The following DTX1 variants were observed in gnomAD, a reference collection of about 807,000 sequenced individuals.
DTX1 encodes the protein E3 ubiquitin-protein ligase DTX1.
A neutral mutation model predicts 57.8 loss-of-function variants in DTX1; 26 were observed. The observed-to-expected ratio is 0.45, with a 90% CI of 0.33 to 0.62. The LOEUF (loss-of-function observed/expected upper bound fraction) is 0.62. Ranked by LOEUF, DTX1 falls within the 20% of genes least tolerant of loss-of-function variation. The pLI, the probability that DTX1 is intolerant of heterozygous loss-of-function variation, is 0.02. For missense variants in DTX1, 704 were observed against 895.3 expected (o/e 0.79, Z 2.73); for synonymous variants, 398 against 394.1 (o/e 1.01, Z -0.12).
chr12:113,095,432 A>G lies in DTX1; in HGVS notation c.1638+18A>G. On this transcript the variant is annotated intron_variant, in intron 9 of 9. Coordinates refer to ENST00000548759, the MANE Select transcript of DTX1 (RefSeq NM_004416.3). ...GCCGGAAGGTGGGTGCCCAGCCGTG[A>G]GGGCATGGGAGATAGGCACAGGCAG... 3.1e-6 allele frequency: 5 copies of G among 1,614,050 alleles called. No homozygotes were observed. Among genetic ancestry groups the G allele is most frequent in the Non-Finnish European group, 4.2e-6 (5 of 1,180,026 alleles).
At chr12:113,058,489 A>G in intron 2 of DTX1, 38 bp downstream of exon 2, 1 of 1,566,086 alleles carries the variant, frequency 6.4e-7, no homozygotes, top group Non-Finnish European at 8.6e-7. Flanking sequence ...CGCCCCGCCG[A>G]GCCATCACTA....
intron 3 of DTX1, among the ~76,000 whole-genome samples, chr12:113,085,590 G>T (rs2044851131): frequency 6.6e-6 from 1 of 152,080 alleles, no homozygotes; most frequent in Non-Finnish European, 1.5e-5. Context: ...TTATTAATTT[G>T]CAAGTGTTCT....
In DTX1 at chr12:113,058,169, C is replaced by G. The variant is rs1200556467; in HGVS notation, c.-24C>G. 4 of 1,578,918 alleles carry G rather than the reference C, an allele frequency of 2.5e-6. No individual in the cohort carries two copies. The highest frequency in any genetic ancestry group is 3.6e-5 in the Admixed American group (2 of 56,218). On this transcript the variant is annotated 5_prime_UTR_variant, in exon 2 of 10. Coordinates refer to ENST00000548759, the MANE Select transcript of DTX1 (RefSeq NM_004416.3). ...AGCTGGGCCTGCAATAGTGGGGGAC[C>G]TGGCCCCTGAGGCAGTGGCGGCCAT... is the stretch of plus-strand genomic sequence containing the variant.
chr12:113,086,633 A>T (rs1338661948), intron 3 of DTX1, among the ~76,000 whole-genome samples: 2 of 152,148 alleles, frequency 1.3e-5, no homozygotes, highest in Non-Finnish European at 2.9e-5. Flanking sequence ...GGTGTGTTTT[A>T]GGGTTTTCCT....
At chr12:113,078,244 T>C in intron 3 of DTX1, 139 bp downstream of exon 3, 2 of 743,000 alleles carry the variant, frequency 2.7e-6, no homozygotes, top group Non-Finnish European at 3.5e-6. Flanking sequence ...ATGCACTAAA[T>C]GTTCATTTTG....
chr12:113,093,756 AACTCT>A lies in DTX1; in HGVS notation c.1165+57_1165+61del. 4 of 1,596,156 alleles carry A rather than the reference AACTCT, an allele frequency of 2.5e-6. No individual in the cohort carries two copies. The highest frequency in any genetic ancestry group is 3.4e-6 in the Non-Finnish European group (4 of 1,168,364). ...ATGAACCCCACTAAGCCTTGACCACAACTCTGTGACCCCTGGTCTCCAACTTATTC... is the reference window on the plus strand; with the variant it reads ...ATGAACCCCACTAAGCCTTGACCACAGTGACCCCTGGTCTCCAACTTATTC... On this transcript the variant is annotated intron_variant, in intron 5 of 9. Transcript: ENST00000548759. The surrounding 1 kb of genome is among the most constrained non-coding windows in gnomAD (Gnocchi z 4.2).
At chr12:113,092,316 C>T (rs890889197) in intron 3 of DTX1, among the ~76,000 whole-genome samples, 5 of 113,122 alleles carry the variant, frequency 4.4e-5, no homozygotes, top group Admixed American at 1.0e-4. Context: ...ACGGAATCCT[C>T]ACAGCAGATT....
At chr12:113,075,453 G>A (rs147845247) in intron 2 of DTX1, among the ~76,000 whole-genome samples, 236 of 152,384 alleles carry the variant, frequency 1.5e-3, no homozygotes, top group Middle Eastern at 0.01. Flanking sequence ...GGGAAGTCAA[G>A]TGTGCAGCCT....
At chr12:113,060,282 C>A (rs2044656416) in intron 2 of DTX1, among the ~76,000 whole-genome samples, 1 of 152,114 alleles carries the variant, frequency 6.6e-6, no homozygotes, top group African/African-American at 2.4e-5. Flanking sequence ...CAGCAGGGAG[C>A]AAGACAAAGT....
intron 2 of DTX1, among the ~76,000 whole-genome samples, chr12:113,075,283 C>G (rs1485803662): frequency 6.6e-6 from 1 of 152,208 alleles, no homozygotes; most frequent in Non-Finnish European, 1.5e-5. Context: ...GTCTGCCTCC[C>G]AGCCCTGGGG....
rs563180952 is a variant in DTX1, at chr12:113,057,605, C to T, written c.-588C>T. ...GCGTTCTGCGGCCACCCAGGCCTTC[C>T]AGGACACCGTGGAGAGGGAACAAGG... On this transcript the variant is annotated 5_prime_UTR_variant, in exon 2 of 10. Transcript: ENST00000548759. 1 of 153,708 alleles carries T rather than the reference C, an allele frequency of 6.5e-6. No homozygotes were observed. Among genetic ancestry groups the T allele is most frequent in the Middle Eastern group, 3.4e-3 (1 of 298 alleles). 9.5% of individuals were successfully genotyped at this position (153,708 alleles called of 1,614,324 possible). A position where few individuals can be genotyped will look rare whatever the true frequency, so the allele number is the denominator to read the frequency against.
rs958846705 is a variant in DTX1 at position 113,077,965 on chromosome 12, C to T, written c.801C>T (p.Ala267=). 24 of 1,013,144 alleles carry T rather than the reference C, an allele frequency of 2.4e-5. No homozygotes were observed. Among genetic ancestry groups the T allele is most frequent in the African/African-American group, 7.0e-5 (4 of 57,208 alleles). The allele number at this position is 1,013,144 out of a possible 1,614,324, so 62.8% of individuals were successfully genotyped here. A position where few individuals can be genotyped will look rare whatever the true frequency, so the allele number is the denominator to read the frequency against. The change falls in exon 3 of 10, where the codon GCC becomes GCT. Residue 267 remains alanine (A), a synonymous_variant. Coordinates refer to ENST00000548759, the MANE Select transcript of DTX1 (RefSeq NM_004416.3). The surrounding 1 kb of genome is among the most constrained non-coding windows in gnomAD (Gnocchi z 7.8). ...GGGCAGCGCCCGCCGCCGGCCCCGC[C>T]GAGCCCGCGCCGCCTCCCGGGGCGC... ...ALWAAPAAGP[A]EPAPPPGAPP...
Position 113,077,895 on chromosome 12 carries a change from C to T in DTX1, c.731C>T (p.Ala244Val). ...CCGCCACCTGGAGGGCCTCCAGGCG[C>T]GCTTGCCGTGCGCCCCAGCGCCACC... is the stretch of plus-strand genomic sequence containing the variant. ...PPPPPGGPPG[A>V]LAVRPSATFT... is the part of the protein sequence containing the mutation. Residue 244 changes from alanine to valine, a missense_variant, in exon 3 of 10, where the codon GCG (alanine) becomes GTG (valine). By Grantham distance (64) the Ala-to-Val change is moderately conservative. Transcript: ENST00000548759. This position sits in a 1 kb window ranked among gnomAD's most constrained non-coding sequence, Gnocchi z 7.8. 7.9e-7 allele frequency: 1 copy of T among 1,258,622 alleles called. No homozygotes were observed. The highest frequency in any genetic ancestry group is 9.9e-7 in the Non-Finnish European group (1 of 1,009,030). The allele number at this position is 1,258,622 out of a possible 1,614,324, so 78.0% of individuals were successfully genotyped here. A position where few individuals can be genotyped will look rare whatever the true frequency, so the allele number is the denominator to read the frequency against.
chr12:113,068,902 A>G (rs1227475254), intron 2 of DTX1, among the ~76,000 whole-genome samples: 1 of 152,334 alleles, frequency 6.6e-6, no homozygotes, highest in African/African-American at 2.4e-5. Flanking sequence ...ACTAGATTCA[A>G]TCTTCACTTA....
intron 3 of DTX1, among the ~76,000 whole-genome samples, chr12:113,083,487 G>T (rs570902796): frequency 6.6e-6 from 1 of 152,090 alleles, no homozygotes; most frequent in Non-Finnish European, 1.5e-5. Context: ...CACCATGACC[G>T]GCTATTTTTT....
chr12:113,066,623 T>C (rs2044705319), intron 2 of DTX1, among the ~76,000 whole-genome samples: 1 of 152,106 alleles, frequency 6.6e-6, no homozygotes, highest in African/African-American at 2.4e-5. Flanking sequence ...TTTCCTCACC[T>C]GTAATATGGA....
chr12:113,060,415 C>T (rs919012611), intron 2 of DTX1, among the ~76,000 whole-genome samples: 2 of 151,826 alleles, frequency 1.3e-5, no homozygotes, highest in Non-Finnish European at 2.9e-5. Context: ...TAAACCTGGC[C>T]CAGAGGTACT....
chr12:113,087,019 G>T lies in DTX1; in HGVS notation c.942-6143G>T, dbSNP rs117220230. Among the ~76,000 whole-genome samples, 7 of 150,490 alleles carry T rather than the reference G, an allele frequency of 4.7e-5. No homozygotes were observed. In the East Asian group the frequency reaches 9.9e-4, roughly 21 times the overall value. On this transcript the variant is annotated intron_variant, in intron 3 of 9. Transcript: ENST00000548759. ...GCTGCCCCGGGCCGTGGGAACAGCC[G>T]GTCCTGCCCTCCCCTCCCCTACCTG...
chr12:113,078,019 A>C lies in DTX1; in HGVS notation c.855A>C (p.Gly285=). Residue 285 remains glycine, a synonymous_variant, in exon 3 of 10, where the codon GGA becomes GGC. Coordinates refer to ENST00000548759, the MANE Select transcript of DTX1 (RefSeq NM_004416.3). ...APPRSPGAPG[G]ARTPGQNNLN... is the part of the protein sequence containing the mutation. Reference sequence around the variant, plus strand: ...CACGGAGCCCGGGCGCCCCCGGCGGAGCGCGCACCCCGGGGCAGAACAACC... The same window carrying C: ...CACGGAGCCCGGGCGCCCCCGGCGGCGCGCGCACCCCGGGGCAGAACAACC... The C allele has an allele frequency of 1.5e-5, 17 of 1,163,176 alleles. No homozygotes were observed. The highest frequency in any genetic ancestry group is 3.3e-5 in the African/African-American group (2 of 61,392). 72.1% of individuals were successfully genotyped at this position (1,163,176 alleles called of 1,614,324 possible).
Sources: allele counts gnomAD v4.1 joint callset (sites outside exome capture counted in the v4.1 genomes callset), GRCh38; gene constraint gnomAD v4.1.1; non-coding constraint Gnocchi (gnomAD v3.1); transcripts MANE v1.5; gene names NCBI Gene and HGNC (gene_info 2026-07-23, HGNC 2026-07-21).